The following SLC44A5 variants were observed in gnomAD, a reference collection of about 807,000 sequenced individuals.
SLC44A5 encodes choline transporter-like protein 5.
A neutral mutation model predicts 101.8 loss-of-function variants in SLC44A5; 57 were observed. The ratio of observed to expected loss-of-function variants is 0.56; its 90% CI spans 0.45 to 0.70. SLC44A5 has a LOEUF of 0.70. Among genes scored for constraint, SLC44A5 ranks in the 30% least tolerant of loss-of-function variants. The pLI, the probability that SLC44A5 is intolerant of heterozygous loss-of-function variation, is 0.00. For synonymous variants in SLC44A5, 281 were observed against 290.9 expected (o/e 0.97, Z 0.35); for missense variants, 737 against 853.1 (o/e 0.86, Z 1.70).
chr1:75,551,832 G>A (rs767873480), intron 1 of SLC44A5, among the ~76,000 whole-genome samples: 5 of 152,040 alleles, frequency 3.3e-5, no homozygotes, highest in South Asian at 2.1e-4. Flanking sequence ...TTAGACTCTC[G>A]GTCAACATGA....
At chr1:75,619,341 T>C in the SLC44A5 span, among the ~76,000 whole-genome samples, 3 of 152,104 alleles carry the variant, frequency 2.0e-5, no homozygotes, top group Admixed American at 2.0e-4. Flanking sequence ...CAGTCCATCA[T>C]TGACTGAAAT....
At chr1:75,700,412 T>C in the SLC44A5 span, among the ~76,000 whole-genome samples, 2 of 149,664 alleles carry the variant, frequency 1.3e-5, no homozygotes, top group Non-Finnish European at 3.0e-5. Flanking sequence ...GACTACTGGG[T>C]ACATAACGAA....
chr1:75,597,854 C>T (rs551561843), intron 1 of SLC44A5, among the ~76,000 whole-genome samples: 4 of 152,190 alleles, frequency 2.6e-5, no homozygotes, highest in African/African-American at 7.2e-5. Flanking sequence ...ACAATGAGGG[C>T]ATTACCATTC....
At chr1:75,265,042 A>C (rs1046707510) in intron 6 of SLC44A5, among the ~76,000 whole-genome samples, 1 of 152,214 alleles carries the variant, frequency 6.6e-6, no homozygotes, top group Admixed American at 6.5e-5. Context: ...CATATAACCT[A>C]CCAAGGTTGA....
chr1:75,449,546 T>A (rs994225504), intron 2 of SLC44A5, among the ~76,000 whole-genome samples: 8 of 152,196 alleles, frequency 5.3e-5, no homozygotes, highest in Non-Finnish European at 1.2e-4. Context: ...TCACTTCTCC[T>A]ACAGCTCTCC....
intron 2 of SLC44A5, among the ~76,000 whole-genome samples, chr1:75,422,505 C>T (rs943257354): frequency 1.3e-5 from 2 of 151,906 alleles, no homozygotes; most frequent in East Asian, 3.9e-4. Context: ...AGAAAGTAAA[C>T]TTTAGTTTAT....
intron 2 of SLC44A5, among the ~76,000 whole-genome samples, chr1:75,401,443 G>C (rs1392555779): frequency 1.3e-5 from 2 of 152,172 alleles, no homozygotes; most frequent in Middle Eastern, 3.2e-3. Context: ...TAAATACAAG[G>C]TGTGAAGACA....
chr1:75,375,813 T>C (rs1479220902), intron 3 of SLC44A5, among the ~76,000 whole-genome samples: 1 of 152,206 alleles, frequency 6.6e-6, no homozygotes, highest in African/African-American at 2.4e-5. Flanking sequence ...GAAAATTCAT[T>C]ACCACTGAAT....
At chr1:75,618,997 G>A in the SLC44A5 span, among the ~76,000 whole-genome samples, 6 of 149,288 alleles carry the variant, frequency 4.0e-5, no homozygotes, top group African/African-American at 1.5e-4. Flanking sequence ...TTGAACCTGG[G>A]ATGTGGAGGT....
At chr1:75,497,125 C>T (rs1272751804) in intron 2 of SLC44A5, among the ~76,000 whole-genome samples, 1 of 152,044 alleles carries the variant, frequency 6.6e-6, no homozygotes, top group Non-Finnish European at 1.5e-5. Context: ...CCAGCAATCC[C>T]ATTTCTGAGT....
At chr1:75,214,549 G>A in intron 20 of SLC44A5, 56 bp downstream of exon 20, 1 of 1,367,636 alleles carries the variant, frequency 7.3e-7, no homozygotes, top group Non-Finnish European at 1.0e-6. Context: ...TGTAAAGGAT[G>A]TAATGCTCAA....
intron 4 of SLC44A5, among the ~76,000 whole-genome samples, chr1:75,312,743 G>A (rs1655406235): frequency 6.6e-6 from 1 of 151,694 alleles, no homozygotes; most frequent in Non-Finnish European, 1.5e-5. Flanking sequence ...AGCACAACAG[G>A]TGGTTGGTAC....
chr1:75,597,759 C>A (rs1674732418), intron 1 of SLC44A5, among the ~76,000 whole-genome samples: 1 of 152,112 alleles, frequency 6.6e-6, no homozygotes, highest in Non-Finnish European at 1.5e-5. Context: ...TGAAACTGGA[C>A]CTCTTTCTTA....
the SLC44A5 span, among the ~76,000 whole-genome samples, chr1:75,720,672 G>A: frequency 1.3e-5 from 2 of 152,126 alleles, no homozygotes; most frequent in Admixed American, 6.6e-5. Context: ...GATTTATTCC[G>A]AGCCAAATAT....
At chr1:75,494,538 A>G (rs958005640) in intron 2 of SLC44A5, among the ~76,000 whole-genome samples, 1 of 152,150 alleles carries the variant, frequency 6.6e-6, no homozygotes, top group Non-Finnish European at 1.5e-5. Flanking sequence ...GGCATGTGGC[A>G]TGCCCAGAGC....
chr1:75,357,502 A>G (rs1206250277), intron 3 of SLC44A5, among the ~76,000 whole-genome samples: 3 of 152,230 alleles, frequency 2.0e-5, no homozygotes, highest in Admixed American at 6.5e-5. Flanking sequence ...AAATACACAA[A>G]TGTACAAAGA....
At chr1:75,347,616 T>C (rs564039973) in intron 3 of SLC44A5, among the ~76,000 whole-genome samples, 2 of 151,980 alleles carry the variant, frequency 1.3e-5, no homozygotes, top group African/African-American at 4.8e-5. Flanking sequence ...TAAGCTGTTA[T>C]TGAGAGAGAG....
chr1:75,243,628 T>A (rs1227724625), intron 7 of SLC44A5, among the ~76,000 whole-genome samples: 1 of 152,094 alleles, frequency 6.6e-6, no homozygotes. Flanking sequence ...GGATTTCACA[T>A]ACCTTTCACT....
the SLC44A5 span, among the ~76,000 whole-genome samples, chr1:75,651,371 C>T: frequency 3.3e-5 from 5 of 152,282 alleles, no homozygotes; most frequent in Admixed American, 1.3e-4. Context: ...GAAGTCTCTA[C>T]AGACATTGTT....
Sources: allele counts gnomAD v4.1 joint callset (sites outside exome capture counted in the v4.1 genomes callset), GRCh38; gene constraint gnomAD v4.1.1; transcripts MANE v1.5; gene names NCBI Gene and HGNC (gene_info 2026-07-23, HGNC 2026-07-21).